Variants in IAH1 observed in about 807,000 individuals in gnomAD.
IAH1 encodes the protein isoamyl acetate hydrolyzing esterase 1 (putative).
IAH1 carries 24 observed loss-of-function variants against 26.7 expected under a neutral mutation model. That is an observed-to-expected ratio of 0.90 (90% CI 0.65 to 1.26). IAH1 has a LOEUF of 1.26. IAH1 is among the 50% of genes most tolerant of loss of function. The pLI is 0.00. For missense variants in IAH1, 300 were observed against 299.9 expected (o/e 1.00, Z 0.00); for synonymous variants, 140 against 118.5 (o/e 1.18, Z -1.18).
chr2:9,474,466 T>C, upstream of IAH1: 1 of 597,744 alleles, frequency 1.7e-6, no homozygotes. This position sits in a 1 kb window ranked among gnomAD's most constrained non-coding sequence, Gnocchi z 4.3. Context: ...CCAAAGTGAC[T>C]GCGTGGGTGC....
At chr2:9,479,783 T>G (rs1454526131) in intron 3 of IAH1, among the ~76,000 whole-genome samples, 1 of 147,500 alleles carries the variant, frequency 6.8e-6, no homozygotes, top group Non-Finnish European at 1.5e-5. Flanking sequence ...GTGCGGAGAT[T>G]TCTGTGTATT....
the IAH1 span, among the ~76,000 whole-genome samples, chr2:9,507,282 G>A: frequency 2.0e-5 from 3 of 152,168 alleles, no homozygotes; most frequent in Non-Finnish European, 4.4e-5. Context: ...CTGAGGTCAG[G>A]AGTTTGTTGA....
chr2:9,495,781 C>T (rs962045998), intron 6 of IAH1, among the ~76,000 whole-genome samples: 1 of 150,990 alleles, frequency 6.6e-6, no homozygotes, highest in African/African-American at 2.4e-5. Context: ...TTTACTGTGT[C>T]GGGCTCTGTC....
the IAH1 span, among the ~76,000 whole-genome samples, chr2:9,502,608 A>G: frequency 2.0e-5 from 3 of 152,104 alleles, no homozygotes; most frequent in African/African-American, 7.2e-5. Context: ...GAGGTGGCTC[A>G]CACCTATAAT....
intron 4 of IAH1, 32 bp downstream of exon 4, chr2:9,481,479 T>C (rs1229006101): frequency 6.2e-7 from 1 of 1,609,468 alleles, no homozygotes; most frequent in Admixed American, 1.7e-5. Flanking sequence ...TCGGCAAATC[T>C]GGATAGGAAT....
downstream of IAH1, chr2:9,494,562 C>T (rs1471505551): frequency 1.9e-5 from 29 of 1,552,100 alleles, no homozygotes; most frequent in Non-Finnish European, 2.6e-5. Context: ...TTGTTTTCAT[C>T]TGCAAAATCA....
Position 9,481,371 on chromosome 2 carries a change from C to G in IAH1, c.369C>G (p.Ile123Met), listed in dbSNP as rs771035941. ...SMVQYLKSVD[I>M]PENRVILITP... is the part of the protein sequence containing the mutation. ...TGCAGTACCTGAAGTCCGTGGACAT[C>G]CCTGAGAATCGAGTCATTCTCATCA... Residue 123 changes from isoleucine (I) to methionine (M), a missense_variant, in exon 4 of 6, where the codon ATC (isoleucine) becomes ATG (methionine). Physicochemically the swap from Ile to Met is conservative, Grantham distance 10. Coordinates refer to ENST00000497473, the MANE Select transcript of IAH1 (RefSeq NM_001039613.3). 6.8e-6 allele frequency: 11 copies of G among 1,614,168 alleles called. No individual in the cohort carries two copies. In the Admixed American group the frequency reaches 1.8e-4, roughly 27 times the overall value.
At chr2:9,490,273 C>A (rs771556813), downstream of IAH1, 1 of 1,614,178 alleles carries the variant, frequency 6.2e-7, no homozygotes, top group Admixed American at 1.7e-5. Flanking sequence ...CCGTGAGATC[C>A]TCAAATGACT....
At chr2:9,477,676 T>TTC (rs1660899860) in intron 2 of IAH1, among the ~76,000 whole-genome samples, 1 of 151,958 alleles carries the variant, frequency 6.6e-6, no homozygotes, top group African/African-American at 2.4e-5. Flanking sequence ...TTTTTTTTTT[T>TTC]TTCCCCCATT....
the IAH1 span, among the ~76,000 whole-genome samples, chr2:9,508,798 G>C: frequency 6.6e-6 from 1 of 152,102 alleles, no homozygotes; most frequent in African/African-American, 2.4e-5. Context: ...TAGAAATGCA[G>C]AGACTATGAA....
intron 2 of IAH1, among the ~76,000 whole-genome samples, chr2:9,476,822 CT>C: frequency 6.6e-6 from 1 of 152,152 alleles, no homozygotes; most frequent in Non-Finnish European, 1.5e-5. Context: ...TGTTTCACTC[CT>C]TTTGTGGTTC....
the IAH1 span, chr2:9,502,113 T>C: frequency 1.4e-6 from 2 of 1,431,338 alleles, no homozygotes; most frequent in Non-Finnish European, 2.0e-6. Context: ...TAATCTTGTT[T>C]TTCAAAGACA....
At chr2:9,495,859 CCTT>C (rs1169326311) in intron 6 of IAH1, among the ~76,000 whole-genome samples, 1 of 143,390 alleles carries the variant, frequency 7.0e-6, no homozygotes, top group Non-Finnish European at 1.5e-5. Flanking sequence ...CTACGTGTTA[CCTT>C]TTTTTTTTTT....
At chr2:9,500,538 G>A (rs903223854), downstream of IAH1, among the ~76,000 whole-genome samples, 3 of 151,914 alleles carry the variant, frequency 2.0e-5, no homozygotes, top group African/African-American at 4.8e-5. Context: ...ACTTTAAATG[G>A]GCAAACTACA....
At chr2:9,504,433 GA>G in the IAH1 span, among the ~76,000 whole-genome samples, 1 of 151,042 alleles carries the variant, frequency 6.6e-6, no homozygotes, top group Non-Finnish European at 1.5e-5. Context: ...AACAGAGCGA[GA>G]CGCCGTCTCA....
At chr2:9,502,029 CA>C in the IAH1 span, 8 of 709,384 alleles carry the variant, frequency 1.1e-5, no homozygotes, top group East Asian at 2.0e-4. Context: ...CCAAGTGTCA[CA>C]AACTAAGGAG....
chr2:9,495,035 A>G (rs1262271329), intron 6 of IAH1, among the ~76,000 whole-genome samples: 3 of 152,078 alleles, frequency 2.0e-5, no homozygotes, highest in African/African-American at 4.8e-5. Flanking sequence ...AAGTCTAACT[A>G]TTCTCTCCCC....
At position 9,478,267 on chromosome 2, in the gene IAH1, G is replaced by T. The variant is rs1660944593; in HGVS notation, c.180G>T (p.Arg60Ser). 6.2e-7 allele frequency: 1 copy of T among 1,612,812 alleles called. No homozygotes were observed. The highest frequency in any genetic ancestry group is 1.7e-5 in the Admixed American group (1 of 59,798). The change falls in exon 3 of 6, where the codon AGG becomes AGT. Residue 60 changes from arginine (R) to serine (S), a missense_variant. By Grantham distance (110) the Arg-to-Ser change is moderately radical. Transcript: ENST00000497473. Reference protein sequence around the residue: ...LNRGFSGYNTRWAKIILPRLI... With the variant: ...LNRGFSGYNTSWAKIILPRLI... Reference sequence around the variant, plus strand: ...GTGGATTTTCAGGTTACAATACCAGGTGGGCCAAAATTATCCTTCCAAGAT... The same window carrying T: ...GTGGATTTTCAGGTTACAATACCAGTTGGGCCAAAATTATCCTTCCAAGAT...
At chr2:9,492,555 T>A (rs1337444698), downstream of IAH1, among the ~76,000 whole-genome samples, 1 of 152,182 alleles carries the variant, frequency 6.6e-6, no homozygotes, top group Non-Finnish European at 1.5e-5. Context: ...TGATATTTGC[T>A]CTATTGCAAC....
Sources: gnomAD v4.1 joint callset for allele counts (sites outside exome capture counted in the v4.1 genomes callset) on GRCh38, gnomAD v4.1.1 for gene constraint, Gnocchi (gnomAD v3.1) non-coding constraint, MANE v1.5 for transcripts, NCBI Gene and HGNC (gene_info 2026-07-23, HGNC 2026-07-21) for gene names.